Variants in GSG1L observed in about 807,000 individuals in gnomAD.
GSG1L encodes the protein germ cell-specific gene 1-like protein.
Under a neutral mutation model 42.1 loss-of-function variants are expected in GSG1L, and 24 were observed. The ratio of observed to expected loss-of-function variants is 0.57; its 90% confidence interval spans 0.41 to 0.80. The LOEUF is 0.80. Ranked by LOEUF, GSG1L falls within the 30% of genes least tolerant of loss-of-function variation. The pLI, the probability that GSG1L is intolerant of heterozygous loss-of-function variation, is 0.00. For synonymous variants in GSG1L, 215 were observed against 203.5 expected, an observed-to-expected ratio of 1.06 and a Z score of -0.48; for missense variants, 445 against 472.2, an observed-to-expected ratio of 0.94 and a Z score of 0.53.
At chr16:27,841,835 G>A (rs987207925) in intron 4 of GSG1L, among the ~76,000 whole-genome samples, 4 of 152,126 alleles carry the variant, frequency 2.6e-5, no homozygotes, top group Non-Finnish European at 5.9e-5. Flanking sequence ...GGGAAAGAAT[G>A]TTCCCCTGGC....
At chr16:27,843,505 A>T (rs58954477) in intron 4 of GSG1L, among the ~76,000 whole-genome samples, 29 of 94,964 alleles carry the variant, frequency 3.1e-4, no homozygotes, top group South Asian at 1.2e-3. Flanking sequence ...GAGACTCTGT[A>T]AAAAAAAAAA....
At chr16:28,014,191 A>G (rs1272710724) in intron 1 of GSG1L, among the ~76,000 whole-genome samples, 3 of 152,250 alleles carry the variant, frequency 2.0e-5, no homozygotes, top group Non-Finnish European at 4.4e-5. Flanking sequence ...GCAAGAATCA[A>G]GGAAGACTTC....
rs560950730 is a variant in GSG1L at position 27,798,275 on chromosome 16, G to A, written c.899-6808C>T. Among the ~76,000 whole-genome samples, 373 of 152,274 alleles carry A rather than the reference G, an allele frequency of 2.4e-3. 1 individual carries two copies. Among genetic ancestry groups the A allele is most frequent in the South Asian group, 0.016 (75 of 4,816 alleles). ...AGGAGAGTGAAAGGCAGAGACGAACGTGTTCCCCTCTGCCAGGAGCTGGGG... is the reference window on the plus strand; with the variant it reads ...AGGAGAGTGAAAGGCAGAGACGAACATGTTCCCCTCTGCCAGGAGCTGGGG... On this transcript the variant is annotated intron_variant, in intron 6 of 6. Transcript: ENST00000447459.
At chr16:27,806,066 C>T (rs1238993617) in intron 6 of GSG1L, among the ~76,000 whole-genome samples, 1 of 151,996 alleles carries the variant, frequency 6.6e-6, no homozygotes, top group African/African-American at 2.4e-5. Context: ...GTGTGCTTCC[C>T]GAGCCCGTCT....
At chr16:27,860,829 A>G (rs1370156204) in intron 3 of GSG1L, among the ~76,000 whole-genome samples, 8 of 152,202 alleles carry the variant, frequency 5.3e-5, no homozygotes, top group Admixed American at 5.2e-4. Context: ...GTCATGGAGG[A>G]CCCTCAGAAA....
At chr16:28,012,445 T>G (rs1396218934) in intron 1 of GSG1L, among the ~76,000 whole-genome samples, 1 of 152,134 alleles carries the variant, frequency 6.6e-6, no homozygotes, top group Non-Finnish European at 1.5e-5. Flanking sequence ...GGTGACAATA[T>G]TGATTAAATA....
rs984092385 is a variant in GSG1L at position 28,040,353 on chromosome 16, A to G, written c.349+22723T>C. ...CTCCCCAGAGGCCTCCCTCTTCTCA[A>G]TCACTCTCCATCCCATCACTTCTCT... On this transcript the variant is annotated intron_variant, in intron 1 of 6. Transcript: ENST00000447459. The surrounding 1 kb of genome is among the most constrained non-coding windows in gnomAD (Gnocchi z 4.1). Among the ~76,000 whole-genome samples, 3 of 151,950 alleles carry G rather than the reference A, an allele frequency of 2.0e-5. No individual in the cohort carries two copies. Among genetic ancestry groups the G allele is most frequent in the African/African-American group, 7.3e-5 (3 of 41,352 alleles).
intron 2 of GSG1L, among the ~76,000 whole-genome samples, chr16:27,911,573 A>G (rs2084391745): frequency 6.6e-6 from 1 of 151,986 alleles, no homozygotes; most frequent in Admixed American, 6.6e-5. Context: ...TCTTTACTCC[A>G]GGCATCTCCT....
intron 2 of GSG1L, among the ~76,000 whole-genome samples, chr16:27,919,283 C>T (rs369031866): frequency 6.6e-6 from 1 of 152,214 alleles, no homozygotes; most frequent in East Asian, 1.9e-4. Context: ...TGACTTCCCA[C>T]TGCTGTTAGA....
At chr16:27,858,134 G>A (rs568343444) in intron 3 of GSG1L, among the ~76,000 whole-genome samples, 4 of 152,312 alleles carry the variant, frequency 2.6e-5, no homozygotes, top group South Asian at 2.1e-4. Flanking sequence ...ACTTCCCTGC[G>A]GCAACGCTGG....
intron 1 of GSG1L, among the ~76,000 whole-genome samples, chr16:28,044,785 G>A (rs1390068380): frequency 6.6e-6 from 1 of 152,064 alleles, no homozygotes; most frequent in Non-Finnish European, 1.5e-5. Context: ...CACCATGCCT[G>A]GCTAATTTTT....
Position 27,884,059 on chromosome 16 carries a change from G to A in GSG1L, c.550+427C>T, listed in dbSNP as rs751160700. Among the ~76,000 whole-genome samples the A allele has an allele frequency of 7.2e-5, 11 of 152,168 alleles. No homozygotes were observed. The highest frequency in any genetic ancestry group is 1.2e-4 in the Non-Finnish European group (8 of 68,034). On this transcript the variant is annotated intron_variant, in intron 3 of 6. Coordinates refer to ENST00000447459, the MANE Select transcript of GSG1L (RefSeq NM_001109763.2). This position sits in a 1 kb window ranked among gnomAD's most constrained non-coding sequence, Gnocchi z 4.4. ...AGATGAGCTCAGGAAGAGGAGCGACGTGCCCTCCACCCCAAAGTGGCTTCT... is the reference window on the plus strand; with the variant it reads ...AGATGAGCTCAGGAAGAGGAGCGACATGCCCTCCACCCCAAAGTGGCTTCT...
chr16:28,046,292 A>C (rs1419615923), intron 1 of GSG1L, among the ~76,000 whole-genome samples: 1 of 150,016 alleles, frequency 6.7e-6, no homozygotes, highest in Non-Finnish European at 1.5e-5. Context: ...TATTGCTAGG[A>C]AAACAAGCAC....
chr16:27,951,648 C>A (rs1278558757), intron 2 of GSG1L, among the ~76,000 whole-genome samples: 2 of 152,160 alleles, frequency 1.3e-5, no homozygotes, highest in Non-Finnish European at 2.9e-5. Context: ...CGGCTGCAGC[C>A]AGTAGGTTGA....
chr16:27,979,744 AGAAAGGAAAGAAAGAAAGAAAGAAG>A (rs2085301810), intron 1 of GSG1L, among the ~76,000 whole-genome samples: 2 of 98,890 alleles, frequency 2.0e-5, no homozygotes, highest in Non-Finnish European at 4.2e-5. Flanking sequence ...AAAGAAAGAA[AGAAAGGAAAGAAAGAAAGAAAGAAG>A]GAAAGAAAGA....
chr16:27,793,982 G>C (rs184402545), intron 6 of GSG1L, among the ~76,000 whole-genome samples: 27 of 152,282 alleles, frequency 1.8e-4, no homozygotes, highest in Non-Finnish European at 1.5e-5. Flanking sequence ...CAAGGAGAAT[G>C]TGGGCTCAGA....
chr16:27,987,121 G>C (rs2085394051), intron 1 of GSG1L, among the ~76,000 whole-genome samples: 4 of 151,722 alleles, frequency 2.6e-5, no homozygotes, highest in Admixed American at 2.6e-4. Flanking sequence ...GCAGGCTGAG[G>C]CAGAAGAATT....
chr16:27,866,420 A>C (rs1483317586), intron 3 of GSG1L, among the ~76,000 whole-genome samples: 1 of 152,156 alleles, frequency 6.6e-6, no homozygotes, highest in Non-Finnish European at 1.5e-5. Flanking sequence ...CAGTAGTCTG[A>C]CTATTATCCC....
chr16:27,983,291 T>C (rs2085344735), intron 1 of GSG1L, among the ~76,000 whole-genome samples: 1 of 152,124 alleles, frequency 6.6e-6, no homozygotes, highest in African/African-American at 2.4e-5. Flanking sequence ...GCCCGGATCA[T>C]GTCACTGCAC....
Sources: allele counts gnomAD v4.1 joint callset (sites outside exome capture counted in the v4.1 genomes callset), GRCh38; gene constraint gnomAD v4.1.1; non-coding constraint Gnocchi (gnomAD v3.1); transcripts MANE v1.5; gene names NCBI Gene and HGNC (gene_info 2026-07-23, HGNC 2026-07-21).